Variants in DENND4B observed in about 807,000 individuals in gnomAD.
DENND4B encodes DENN domain containing 4B, also known as DENN domain-containing protein 4B.
Under a neutral mutation model 161.0 loss-of-function variants are expected in DENND4B, and 67 were observed. That is an observed-to-expected ratio of 0.42 (90% CI 0.34 to 0.51). DENND4B has a LOEUF of 0.51. Among genes scored for constraint, DENND4B ranks in the 20% least tolerant of loss-of-function variants. The probability of loss-of-function intolerance (pLI) is 0.08; values close to 1 mark genes in which losing one functional copy is unlikely to be tolerated. For missense variants in DENND4B, 1,481 were observed against 1,968.0 expected, an observed-to-expected ratio of 0.75 and a Z score of 4.68; for synonymous variants, 753 against 813.8, an observed-to-expected ratio of 0.93 and a Z score of 1.27.
rs1571025002 is a variant in DENND4B, at chr1:153,930,196, C to T, written c.*101G>A. On this transcript the variant is annotated 3_prime_UTR_variant, in exon 28 of 28. Coordinates refer to ENST00000361217, the MANE Select transcript of DENND4B (RefSeq NM_014856.3). This position sits in a 1 kb window ranked among gnomAD's most constrained non-coding sequence, Gnocchi z 4.7. The stretch of plus-strand genomic sequence containing the variant: ...GCCTTTGACTGGGCATCCTTCCCAG[C>T]CTGTTCCCAACTCCATGAAGGCAAC... The T allele has an allele frequency of 2.4e-5, 34 of 1,433,460 alleles. No individual in the cohort carries two copies. The highest frequency in any genetic ancestry group is 3.0e-5 in the Non-Finnish European group (32 of 1,073,482). 88.8% of individuals were successfully genotyped at this position (1,433,460 alleles called of 1,614,324 possible).
chr1:153,946,429 G>A lies in DENND4B; in HGVS notation c.-152C>T. 2.6e-6 allele frequency: 1 copy of A among 387,266 alleles called. No homozygotes were observed. Among genetic ancestry groups the A allele is most frequent in the South Asian group, 1.3e-4 (1 of 7,778 alleles). The allele number at this position is 387,266 out of a possible 1,614,324, so 24.0% of individuals were successfully genotyped here. Reference sequence around the variant, plus strand: ...CCGACTTGGGCGCCGCTCCCGCCCGGGCAGTGAGTGAAGGAAGAAGAGGCG... The same window carrying A: ...CCGACTTGGGCGCCGCTCCCGCCCGAGCAGTGAGTGAAGGAAGAAGAGGCG... On this transcript the variant is annotated 5_prime_UTR_variant, in exon 1 of 28. Coordinates refer to ENST00000361217, the MANE Select transcript of DENND4B (RefSeq NM_014856.3). The surrounding 1 kb of genome is among the most constrained non-coding windows in gnomAD (Gnocchi z 6.3).
chr1:153,942,779 C>T lies in DENND4B; in HGVS notation c.570+99G>A, dbSNP rs1390125022. ...CAGAGTTACCCCTCTGGACTCACCCCTGTGGTCAGAGCCTTGGTCCTGGGA... is the reference window on the plus strand; with the variant it reads ...CAGAGTTACCCCTCTGGACTCACCCTTGTGGTCAGAGCCTTGGTCCTGGGA... On this transcript the variant is annotated intron_variant, in intron 3 of 27. Coordinates refer to ENST00000361217, the MANE Select transcript of DENND4B (RefSeq NM_014856.3). The surrounding 1 kb of genome is among the most constrained non-coding windows in gnomAD (Gnocchi z 6.9). 5.3e-6 allele frequency: 8 copies of T among 1,496,516 alleles called. No individual in the cohort carries two copies. The highest frequency in any genetic ancestry group is 1.4e-5 in the African/African-American group (1 of 71,684). The allele number at this position is 1,496,516 out of a possible 1,614,324, so 92.7% of individuals were successfully genotyped here. A position where few individuals can be genotyped will look rare whatever the true frequency, so the allele number is the denominator to read the frequency against.
Position 153,936,317 on chromosome 1 carries a change from C to T in DENND4B, c.2440-129G>A, listed in dbSNP as rs1679327756. ...TGGCCCCTGGCAGGTCCTGGGGCTA[C>T]CTCAGAGCCACCCACCCTTTCTGCT... On this transcript the variant is annotated intron_variant, in intron 16 of 27. Transcript: ENST00000361217. This position sits in a 1 kb window ranked among gnomAD's most constrained non-coding sequence, Gnocchi z 4.1. The T allele has an allele frequency of 7.3e-7, 1 of 1,370,750 alleles. No homozygotes were observed. Among genetic ancestry groups the T allele is most frequent in the Non-Finnish European group, 9.9e-7 (1 of 1,010,988 alleles). 84.9% of individuals were successfully genotyped at this position (1,370,750 alleles called of 1,614,324 possible). A position where few individuals can be genotyped will look rare whatever the true frequency, so the allele number is the denominator to read the frequency against.
In DENND4B at chr1:153,942,141, C is replaced by A. The variant is rs899903750; in HGVS notation, c.811-28G>T. 6.2e-7 allele frequency: 1 copy of A among 1,613,950 alleles called. No homozygotes were observed. Among genetic ancestry groups the A allele is most frequent in the Non-Finnish European group, 8.5e-7 (1 of 1,179,882 alleles). The stretch of plus-strand genomic sequence containing the variant: ...GGCAGGGGGCAGAAGGGTAGTCAGG[C>A]AGGCCCTGCATAGCCTGGACCCCTT... On this transcript the variant is annotated intron_variant, in intron 5 of 27. Transcript: ENST00000361217. This position sits in a 1 kb window ranked among gnomAD's most constrained non-coding sequence, Gnocchi z 6.9.
At position 153,940,556 on chromosome 1, in the gene DENND4B, C is replaced by A; in HGVS notation, c.1377G>T (p.Leu459=). ...WQCPYIPLCP[L]VLADVLSAPV... ...GGGCACTCAGCACATCTGCCAGCAC[C>A]AGCGGGCACAGAGGAATGTAGGGGC... Residue 459 remains leucine (L), a synonymous_variant, in exon 10 of 28, where the codon CTG becomes CTT. Coordinates refer to ENST00000361217, the MANE Select transcript of DENND4B (RefSeq NM_014856.3). This position sits in a 1 kb window ranked among gnomAD's most constrained non-coding sequence, Gnocchi z 5.6. The A allele has an allele frequency of 6.2e-7, 1 of 1,613,572 alleles. No homozygotes were observed. The highest frequency in any genetic ancestry group is 8.5e-7 in the Non-Finnish European group (1 of 1,179,736).
chr1:153,933,576 A>G lies in DENND4B; in HGVS notation c.3237T>C (p.Pro1079=), dbSNP rs1679112880. The G allele has an allele frequency of 6.4e-7, 1 of 1,563,080 alleles. No homozygotes were observed. The highest frequency in any genetic ancestry group is 8.6e-7 in the Non-Finnish European group (1 of 1,156,874). ...GGGGTGGCAGGTCAGGAGGCAGCTC[A>G]GGTGGGGGAATGCGGGAGGCAGGGG... ...RHSPASRIPP[P]ELPPDLPPPA... is the part of the protein sequence containing the mutation. The change falls in exon 20 of 28, where the codon CCT becomes CCC. Residue 1079 remains proline (P), a synonymous_variant. Transcript: ENST00000361217. The surrounding 1 kb of genome is among the most constrained non-coding windows in gnomAD (Gnocchi z 5.7).
At chr1:153,939,536 C>T in intron 12 of DENND4B, 53 bp downstream of exon 12, 1 of 1,546,014 alleles carries the variant, frequency 6.5e-7, no homozygotes, top group East Asian at 2.3e-5. Flanking sequence ...GAGCCCAGCC[C>T]CTCGCCACCT....
Position 153,932,532 on chromosome 1 carries a change from A to G in DENND4B, c.3760-92T>C. The stretch of plus-strand genomic sequence containing the variant: ...GCCACCACATCCAACAGCTTTTGGG[A>G]TGCCCCTTGCCCTCAAGGGCAAGAG... On this transcript the variant is annotated intron_variant, in intron 23 of 27. Transcript: ENST00000361217. This position sits in a 1 kb window ranked among gnomAD's most constrained non-coding sequence, Gnocchi z 5.8. 1 of 1,560,090 alleles carries G rather than the reference A, an allele frequency of 6.4e-7. No homozygotes were observed. The highest frequency in any genetic ancestry group is 1.8e-5 in the Admixed American group (1 of 54,198).
Position 153,930,447 on chromosome 1 carries a change from GGAA to G in DENND4B, c.4346-8_4346-6del, listed in dbSNP as rs753509523. The G allele has an allele frequency of 4.6e-5, 75 of 1,613,890 alleles. No homozygotes were observed. In the African/African-American group the frequency reaches 8.5e-4, roughly 18 times the overall value. ...TGTACTTCTTATCGAAGGCCACTAG[GGAA>G]GAAGGTGGAAGTCAACATGTTAGGA... On this transcript the variant is annotated splice_region_variant and splice_polypyrimidine_tract_variant and intron_variant, in intron 27 of 27. Coordinates refer to ENST00000361217, the MANE Select transcript of DENND4B (RefSeq NM_014856.3). This position sits in a 1 kb window ranked among gnomAD's most constrained non-coding sequence, Gnocchi z 4.7.
At position 153,932,904 on chromosome 1, in the gene DENND4B, AG is replaced by A. The variant is rs763897068; in HGVS notation, c.3579del (p.Phe1194LeufsTer74). ...LNTTCPFCAC[P>X]FVPLLSVQTL... ...GTCTGGACACTGAGCAGGGGCACAA[AG>A]GGGCAGGCGCAGAAGGGGCAGGTTG... On this transcript the variant is annotated frameshift_variant, in exon 22 of 28. Transcript: ENST00000361217. LOFTEE classifies it high-confidence loss of function. The surrounding 1 kb of genome is among the most constrained non-coding windows in gnomAD (Gnocchi z 5.8). 1 of 1,613,974 alleles carries A rather than the reference AG, an allele frequency of 6.2e-7. No homozygotes were observed. The highest frequency in any genetic ancestry group is 8.5e-7 in the Non-Finnish European group (1 of 1,179,858).
In DENND4B at chr1:153,944,318, T is replaced by C. The variant is rs1331291359; in HGVS notation, c.57A>G (p.Ala19=). 2.5e-6 allele frequency: 4 copies of C among 1,608,152 alleles called. No homozygotes were observed. In the East Asian group the frequency reaches 6.7e-5, roughly 27 times the overall value. The part of the protein sequence containing the change: ...LVDYFVVAGL[A]GNGAPIPEET... ...CCTCAGGGATGGGTGCTCCGTTCCCTGCAAGCCCAGCTACCACGAAGTAAT... is the reference window on the plus strand; with the variant it reads ...CCTCAGGGATGGGTGCTCCGTTCCCCGCAAGCCCAGCTACCACGAAGTAAT... The change falls in exon 2 of 28, where the codon GCA becomes GCG. Residue 19 remains alanine (A), a synonymous_variant. Transcript: ENST00000361217. This position sits in a 1 kb window ranked among gnomAD's most constrained non-coding sequence, Gnocchi z 4.8.
Position 153,941,044 on chromosome 1 carries a change from C to A in DENND4B, c.1186G>T (p.Ala396Ser). The A allele has an allele frequency of 6.4e-7, 1 of 1,555,688 alleles. No homozygotes were observed. ...PVSSPLPLSGASFLQLLQSLG... is the reference protein window; with the variant it reads ...PVSSPLPLSGSSFLQLLQSLG... ...CTCTGCAGCAGCTGCAGGAAGCTGG[C>A]ACCACTGCAGGCAATGCCGAGGTGG... Residue 396 changes from alanine (A) to serine (S), a missense_variant, in exon 9 of 28, where the codon GCC becomes TCC. Physicochemically the swap from Ala to Ser is moderately conservative, Grantham distance 99. Around this residue, in one of 3 missense-constraint regions of DENND4B, gnomAD observed 806 missense variants for 1,134.4 expected, o/e 0.71. Transcript: ENST00000361217.
chr1:153,942,546 G>A lies in DENND4B; in HGVS notation c.640+10C>T, dbSNP rs1427218898. On this transcript the variant is annotated intron_variant, in intron 4 of 27. Coordinates refer to ENST00000361217, the MANE Select transcript of DENND4B (RefSeq NM_014856.3). This position sits in a 1 kb window ranked among gnomAD's most constrained non-coding sequence, Gnocchi z 6.9. Reference sequence around the variant, plus strand: ...GGTCACAGGATTGGAGGGATAAAGGGGCCACTCACCTGCCTCGTACACCAG... The same window carrying A: ...GGTCACAGGATTGGAGGGATAAAGGAGCCACTCACCTGCCTCGTACACCAG... 1.4e-5 allele frequency: 22 copies of A among 1,593,162 alleles called. No individual in the cohort carries two copies. Among genetic ancestry groups the A allele is most frequent in the Non-Finnish European group, 1.9e-5 (22 of 1,169,754 alleles).
In DENND4B at chr1:153,936,781, A is replaced by G; in HGVS notation, c.2233-33T>C. 6.7e-6 allele frequency: 10 copies of G among 1,488,440 alleles called. No individual in the cohort carries two copies. The highest frequency in any genetic ancestry group is 1.4e-5 in the South Asian group (1 of 73,808). 92.2% of individuals were successfully genotyped at this position (1,488,440 alleles called of 1,614,324 possible). A position where few individuals can be genotyped will look rare whatever the true frequency, so the allele number is the denominator to read the frequency against. Reference sequence around the variant, plus strand: ...GGACAGGGGACACATCAGGGTGAGTACAATGCCAGGTCTTTCTTACTTATC... The same window carrying G: ...GGACAGGGGACACATCAGGGTGAGTGCAATGCCAGGTCTTTCTTACTTATC... On this transcript the variant is annotated intron_variant, in intron 15 of 27. Coordinates refer to ENST00000361217, the MANE Select transcript of DENND4B (RefSeq NM_014856.3). The surrounding 1 kb of genome is among the most constrained non-coding windows in gnomAD (Gnocchi z 4.1).
In DENND4B at chr1:153,932,271, C is replaced by T. The variant is rs757627602; in HGVS notation, c.3929G>A (p.Arg1310Gln). ...IFWNLLWYFQ[R>Q]LRLPSILPGL... is the part of the protein sequence containing the mutation. ...TGGTAGAATACTGGGCAGGCGTAGC[C>T]GTTGGAAATACCACAAAAGGTTCCA... Residue 1310 changes from arginine to glutamine, a missense_variant, in exon 24 of 28, where the codon CGG becomes CAG. Arg to Gln is a conservative substitution (Grantham distance 43, BLOSUM62 1). Transcript: ENST00000361217. This position sits in a 1 kb window ranked among gnomAD's most constrained non-coding sequence, Gnocchi z 5.8. The T allele has an allele frequency of 3.1e-6, 5 of 1,613,822 alleles. No homozygotes were observed. The highest frequency in any genetic ancestry group is 1.1e-5 in the South Asian group (1 of 91,072).
Position 153,946,061 on chromosome 1 carries a change from AG to A in DENND4B, c.-24+239del, listed in dbSNP as rs1679947960. ...CCGGCCGCCGCGTGACCCAAGCGGGAGGGAGGGCGGCTCCGACTCCGGCACC... is the reference window on the plus strand; with the variant it reads ...CCGGCCGCCGCGTGACCCAAGCGGGAGGAGGGCGGCTCCGACTCCGGCACC... On this transcript the variant is annotated intron_variant, in intron 1 of 27. Coordinates refer to ENST00000361217, the MANE Select transcript of DENND4B (RefSeq NM_014856.3). This position sits in a 1 kb window ranked among gnomAD's most constrained non-coding sequence, Gnocchi z 6.3. Among the ~76,000 whole-genome samples, 1 of 151,994 alleles carries A rather than the reference AG, an allele frequency of 6.6e-6. No homozygotes were observed. Among genetic ancestry groups the A allele is most frequent in the Non-Finnish European group, 1.5e-5 (1 of 67,960 alleles).
chr1:153,941,885 G>T lies in DENND4B; in HGVS notation c.1039C>A (p.Arg347Ser), dbSNP rs749288468. The T allele has an allele frequency of 6.2e-6, 10 of 1,611,950 alleles. No homozygotes were observed. The South Asian group carries it at 1.1e-4, about 18-fold the overall frequency. Residue 347 changes from arginine (R) to serine (S), a missense_variant, in exon 6 of 28, where the codon CGC (arginine) becomes AGC (serine). Arg to Ser is a moderately radical substitution (Grantham distance 110). Around this residue, in one of 3 missense-constraint regions of DENND4B, gnomAD observed 806 missense variants for 1,134.4 expected, o/e 0.71. Coordinates refer to ENST00000361217, the MANE Select transcript of DENND4B (RefSeq NM_014856.3). Reference sequence around the variant, plus strand: ...CATGCTCACGCTTCCAAGGGTAGGCGGTGGGGGCCTGAGACGGAGTAGCGG... The same window carrying T: ...CATGCTCACGCTTCCAAGGGTAGGCTGTGGGGGCCTGAGACGGAGTAGCGG... ...LYRYSVSGPH[R>S]LPLEAHISHF...
chr1:153,932,540 T>G lies in DENND4B; in HGVS notation c.3760-100A>C. Reference sequence around the variant, plus strand: ...ATCCAACAGCTTTTGGGATGCCCCTTGCCCTCAAGGGCAAGAGATGTGCCC... The same window carrying G: ...ATCCAACAGCTTTTGGGATGCCCCTGGCCCTCAAGGGCAAGAGATGTGCCC... On this transcript the variant is annotated intron_variant, in intron 23 of 27. Transcript: ENST00000361217. This position sits in a 1 kb window ranked among gnomAD's most constrained non-coding sequence, Gnocchi z 5.8. 2 of 1,563,116 alleles carry G rather than the reference T, an allele frequency of 1.3e-6. No individual in the cohort carries two copies. Among genetic ancestry groups the G allele is most frequent in the Non-Finnish European group, 1.7e-6 (2 of 1,153,394 alleles).
At position 153,940,954 on chromosome 1, in the gene DENND4B, G is replaced by A; in HGVS notation, c.1276C>T (p.His426Tyr). The change falls in exon 9 of 28, where the codon CAC (histidine) becomes TAC (tyrosine). Residue 426 changes from histidine (H) to tyrosine (Y), a missense_variant. Physicochemically the swap from His to Tyr is moderately conservative, Grantham distance 83. Coordinates refer to ENST00000361217, the MANE Select transcript of DENND4B (RefSeq NM_014856.3). The surrounding 1 kb of genome is among the most constrained non-coding windows in gnomAD (Gnocchi z 5.6). ...GTGAGCAGGTCTGGCCGCAGCGAGT[G>A]GACTAGCAGCTTGTGCTCTGTGAGC... ...AVLTEHKLLV[H>Y]SLRPDLLTSV... is the part of the protein sequence containing the mutation. 3 of 1,599,858 alleles carry A rather than the reference G, an allele frequency of 1.9e-6. No homozygotes were observed. Among genetic ancestry groups the A allele is most frequent in the Non-Finnish European group, 1.7e-6 (2 of 1,174,796 alleles).
Sources: allele counts gnomAD v4.1 joint callset (sites outside exome capture counted in the v4.1 genomes callset), GRCh38; gene constraint gnomAD v4.1.1; regional missense constraint gnomAD v4.1.1; non-coding constraint Gnocchi (gnomAD v3.1); transcripts MANE v1.5; gene names NCBI Gene and HGNC (gene_info 2026-07-23, HGNC 2026-07-21).